The following SNTG1 variants were observed in gnomAD, a reference collection of about 807,000 sequenced individuals.
The protein encoded by SNTG1 is gamma-1-syntrophin.
A neutral mutation model predicts 74.7 loss-of-function variants in SNTG1; 39 were observed. The ratio of observed to expected loss-of-function variants is 0.52; its 90% CI spans 0.40 to 0.68. The LOEUF (loss-of-function observed/expected upper bound fraction) is 0.68. Among genes scored for constraint, SNTG1 ranks in the 30% least tolerant of loss-of-function variants. The pLI, the probability that SNTG1 is intolerant of heterozygous loss-of-function variation, is 0.00. For synonymous variants in SNTG1, 254 were observed against 217.1 expected, an observed-to-expected ratio of 1.17 and a Z score of -1.49; for missense variants, 685 against 609.5, an observed-to-expected ratio of 1.12 and a Z score of -1.30.
rs144409336 is a variant in SNTG1 at position 50,633,929 on chromosome 8, T to G, written c.850-22980T>G. ...TGTGTATGCAGTAGAAATTGTTGCA[T>G]TATATGCCTATGATTCTCTCTTCCA... On this transcript the variant is annotated intron_variant, in intron 13 of 18. Transcript: ENST00000642720. 3.4e-3 allele frequency among the ~76,000 whole-genome samples: 518 copies of G among 152,314 alleles called. 1 individual carries two copies. The highest frequency in any genetic ancestry group is 0.014 in the Middle Eastern group (4 of 294).
At chr8:50,183,757 C>T (rs1174318132) in intron 2 of SNTG1, among the ~76,000 whole-genome samples, 1 of 152,170 alleles carries the variant, frequency 6.6e-6, no homozygotes, top group Non-Finnish European at 1.5e-5. Flanking sequence ...GACCCCCAAA[C>T]CTCAGCCCAG....
intron 1 of SNTG1, among the ~76,000 whole-genome samples, chr8:50,020,499 G>A (rs1014824930): frequency 6.6e-6 from 1 of 152,062 alleles, no homozygotes; most frequent in African/African-American, 2.4e-5. Context: ...AGATAATAAA[G>A]TTTCAATTGC....
At chr8:50,550,318 A>G (rs1242723987) in intron 11 of SNTG1, among the ~76,000 whole-genome samples, 1 of 152,158 alleles carries the variant, frequency 6.6e-6, no homozygotes, top group Non-Finnish European at 1.5e-5. Context: ...TTTACATTTT[A>G]GTCTCTGCAG....
chr8:50,026,234 A>T (rs1295295519), intron 1 of SNTG1, among the ~76,000 whole-genome samples: 1 of 152,136 alleles, frequency 6.6e-6, no homozygotes, highest in Non-Finnish European at 1.5e-5. Context: ...ATTTTACTGT[A>T]TTTGTATGGT....
chr8:50,125,660 G>C (rs558750140), intron 1 of SNTG1, among the ~76,000 whole-genome samples: 2 of 124,124 alleles, frequency 1.6e-5, no homozygotes, highest in Non-Finnish European at 3.7e-5. Context: ...GTGGATAGAA[G>C]GAAAAGATGC....
At chr8:50,551,356 A>G (rs750889911) in intron 11 of SNTG1, among the ~76,000 whole-genome samples, 3 of 152,210 alleles carry the variant, frequency 2.0e-5, no homozygotes, top group African/African-American at 7.2e-5. Context: ...GAATTATTCT[A>G]TGTAGGCACT....
At chr8:50,333,161 C>T (rs1252390255) in intron 2 of SNTG1, among the ~76,000 whole-genome samples, 1 of 152,200 alleles carries the variant, frequency 6.6e-6, no homozygotes, top group East Asian at 1.9e-4. Flanking sequence ...GGCCCTGGCC[C>T]CATCACAGAA....
In SNTG1 at chr8:50,257,130, G is replaced by A. The variant is rs565583409; in HGVS notation, c.-28+84495G>A. Among the ~76,000 whole-genome samples the A allele has an allele frequency of 2.1e-4, 32 of 152,082 alleles. 1 individual carries two copies. The highest frequency in any genetic ancestry group is 7.2e-4 in the African/African-American group (30 of 41,494). On this transcript the variant is annotated intron_variant, in intron 2 of 18. Coordinates refer to ENST00000642720, the MANE Select transcript of SNTG1 (RefSeq NM_018967.5). ...AGAAGAGGCACACCCAAAACCCTTC[G>A]GCTTGTGCAGCAGGAGCTCTTTCTG...
chr8:50,379,452 G>A (rs936441069), intron 2 of SNTG1, among the ~76,000 whole-genome samples: 1 of 152,090 alleles, frequency 6.6e-6, no homozygotes, highest in African/African-American at 2.4e-5. Context: ...CTGCTCCAGG[G>A]CCCAGGAGCA....
intron 1 of SNTG1, among the ~76,000 whole-genome samples, chr8:50,114,703 A>T (rs1563616353): frequency 6.6e-6 from 1 of 152,052 alleles, no homozygotes; most frequent in Non-Finnish European, 1.5e-5. Flanking sequence ...CGTCTCTACT[A>T]AAAATATAAA....
chr8:50,214,125 G>A (rs1352627526), intron 2 of SNTG1, among the ~76,000 whole-genome samples: 1 of 151,516 alleles, frequency 6.6e-6, no homozygotes, highest in Non-Finnish European at 1.5e-5. Context: ...GGATGAAATT[G>A]GAAATCATCA....
chr8:50,366,707 A>G (rs530643001), intron 2 of SNTG1, among the ~76,000 whole-genome samples: 1 of 146,806 alleles, frequency 6.8e-6, no homozygotes, highest in Non-Finnish European at 1.5e-5. Flanking sequence ...TATAATATAT[A>G]ATATACTTAC....
At chr8:50,568,755 T>G (rs1042480497) in intron 12 of SNTG1, 2 of 152,188 alleles carry the variant, frequency 1.3e-5, no homozygotes, top group African/African-American at 4.8e-5. Context: ...TGCAAATACA[T>G]CTGTAGGTTG....
intron 17 of SNTG1, among the ~76,000 whole-genome samples, chr8:50,716,542 G>A (rs2095475436): frequency 6.6e-6 from 1 of 151,718 alleles, no homozygotes; most frequent in Non-Finnish European, 1.5e-5. Flanking sequence ...ATTGCAAAAC[G>A]AACTCAGACA....
At chr8:50,408,955 G>T (rs1370563565) in intron 4 of SNTG1, among the ~76,000 whole-genome samples, 1 of 152,142 alleles carries the variant, frequency 6.6e-6, no homozygotes, top group Non-Finnish European at 1.5e-5. Context: ...GTAATACAGG[G>T]TCAGCGCCAG....
At chr8:49,977,787 GA>G (rs750163482) in intron 1 of SNTG1, among the ~76,000 whole-genome samples, 1 of 152,176 alleles carries the variant, frequency 6.6e-6, no homozygotes, top group Non-Finnish European at 1.5e-5. Flanking sequence ...ATGGAAAGGC[GA>G]AGGCTTCATA....
chr8:50,475,769 G>T (rs1463732242), intron 8 of SNTG1, among the ~76,000 whole-genome samples: 1 of 152,112 alleles, frequency 6.6e-6, no homozygotes, highest in Non-Finnish European at 1.5e-5. Flanking sequence ...AAATCCCAGA[G>T]TGGAAAGAAA....
chr8:50,320,372 G>A (rs12548044), intron 2 of SNTG1, among the ~76,000 whole-genome samples: 71,971 of 151,864 alleles, frequency 0.47, 19,457 homozygotes, highest in East Asian at 0.83. Flanking sequence ...TTTTTCATCT[G>A]TGATTTTATT....
chr8:50,563,943 T>C (rs1464537525), intron 12 of SNTG1, among the ~76,000 whole-genome samples: 1 of 152,158 alleles, frequency 6.6e-6, no homozygotes, highest in Non-Finnish European at 1.5e-5. Flanking sequence ...TTTGACAACT[T>C]AATATTAGGA....
Sources: gnomAD v4.1 joint callset for allele counts (sites outside exome capture counted in the v4.1 genomes callset) on GRCh38, gnomAD v4.1.1 for gene constraint, MANE v1.5 for transcripts, NCBI Gene and HGNC (gene_info 2026-07-23, HGNC 2026-07-21) for gene names.